Variants in PLCB1 observed in about 807,000 individuals in gnomAD.
PLCB1 encodes 1-phosphatidylinositol 4,5-bisphosphate phosphodiesterase beta-1.
In PLCB1, 46 loss-of-function variants were observed where a neutral mutation model predicts 161.8. That is an observed-to-expected ratio of 0.28 (90% CI 0.22 to 0.36). The LOEUF (loss-of-function observed/expected upper bound fraction) is 0.36. Among genes scored for constraint, PLCB1 ranks in the 10% least tolerant of loss-of-function variants. PLCB1 has a pLI of 1.00. For missense variants in PLCB1, 1,016 were observed against 1,472.5 expected (o/e 0.69, Z 5.07); for synonymous variants, 517 against 503.7 (o/e 1.03, Z -0.35).
At chr20:8,137,063 T>A (rs974038998) in intron 1 of PLCB1, among the ~76,000 whole-genome samples, 5 of 152,210 alleles carry the variant, frequency 3.3e-5, no homozygotes, top group Non-Finnish European at 4.4e-5. Context: ...AAGTTTGGAT[T>A]TGCGTTAATG....
rs147978581 is a variant in PLCB1, at chr20:8,322,790, C to G, written c.178-48592C>G. On this transcript the variant is annotated intron_variant, in intron 2 of 31. Coordinates refer to ENST00000338037, the MANE Select transcript of PLCB1 (RefSeq NM_015192.4). ...AGAAGGCATCAATTTGGAAAACTTT[C>G]TCAGAACTCTCCCTTGCTTGGTAGA... 4.6e-3 allele frequency among the ~76,000 whole-genome samples: 701 copies of G among 152,288 alleles called. 3 individuals are homozygous for G. The highest frequency in any genetic ancestry group is 0.016 in the African/African-American group (656 of 41,550).
chr20:8,797,490 T>C (rs2146233616), intron 31 of PLCB1, among the ~76,000 whole-genome samples: 1 of 152,346 alleles, frequency 6.6e-6, no homozygotes, highest in Non-Finnish European at 1.5e-5. Flanking sequence ...GTATTTTCCA[T>C]CCTTCGTCTT....
At chr20:8,529,354 C>T (rs925881280) in intron 3 of PLCB1, among the ~76,000 whole-genome samples, 2 of 151,958 alleles carry the variant, frequency 1.3e-5, no homozygotes, top group African/African-American at 4.8e-5. Flanking sequence ...ATGTATTTTA[C>T]TCCTCCTCCT....
chr20:8,875,948 C>T (rs1440987800), intron 31 of PLCB1, among the ~76,000 whole-genome samples: 1 of 152,018 alleles, frequency 6.6e-6, no homozygotes, highest in Non-Finnish European at 1.5e-5. Context: ...TATCAAATCT[C>T]TGCCTTTTTT....
chr20:8,622,911 A>C (rs2123202726), intron 3 of PLCB1, among the ~76,000 whole-genome samples: 1 of 150,176 alleles, frequency 6.7e-6, no homozygotes. Flanking sequence ...AGGCAATGCA[A>C]CTTTTTGAAA....
intron 2 of PLCB1, among the ~76,000 whole-genome samples, chr20:8,362,323 G>A (rs1418026107): frequency 1.3e-5 from 2 of 152,068 alleles, no homozygotes; most frequent in African/African-American, 4.8e-5. Context: ...GCAGTTACTA[G>A]CATGTTAAAT....
chr20:8,301,333 T>G (rs1983902459), intron 2 of PLCB1, among the ~76,000 whole-genome samples: 1 of 152,188 alleles, frequency 6.6e-6, no homozygotes, highest in South Asian at 2.1e-4. Flanking sequence ...AATAGTCAAA[T>G]CATTTGCTGT....
chr20:8,208,653 A>G (rs543589638), intron 2 of PLCB1, among the ~76,000 whole-genome samples: 2 of 152,226 alleles, frequency 1.3e-5, no homozygotes, highest in African/African-American at 4.8e-5. Flanking sequence ...CTCTTGGAAT[A>G]TAAAAATATG....
At chr20:8,497,473 G>A (rs1264291876) in intron 3 of PLCB1, among the ~76,000 whole-genome samples, 1 of 152,144 alleles carries the variant, frequency 6.6e-6, no homozygotes, top group Non-Finnish European at 1.5e-5. Flanking sequence ...GAAGAAAATT[G>A]CTATTCAAAT....
intron 3 of PLCB1, among the ~76,000 whole-genome samples, chr20:8,569,809 C>T (rs1467661823): frequency 2.0e-5 from 3 of 152,162 alleles, no homozygotes; most frequent in African/African-American, 7.2e-5. Flanking sequence ...GCATTAAAAA[C>T]TACTGGAAGG....
At chr20:8,641,556 A>G (rs1243439794) in intron 4 of PLCB1, among the ~76,000 whole-genome samples, 3 of 152,184 alleles carry the variant, frequency 2.0e-5, no homozygotes, top group African/African-American at 7.2e-5. Flanking sequence ...CATGTTTGCT[A>G]TACTCTCCCC....
At chr20:8,716,793 C>T (rs1979338745) in intron 13 of PLCB1, among the ~76,000 whole-genome samples, 1 of 152,216 alleles carries the variant, frequency 6.6e-6, no homozygotes, top group Non-Finnish European at 1.5e-5. Flanking sequence ...TGTGGCACAA[C>T]TCAGGTCGCC....
intron 2 of PLCB1, among the ~76,000 whole-genome samples, chr20:8,283,584 A>T (rs994253081): frequency 5.3e-5 from 8 of 151,670 alleles, no homozygotes; most frequent in Admixed American, 3.9e-4. Flanking sequence ...TAAATAAAAT[A>T]AAAAAATTAT....
intron 31 of PLCB1, among the ~76,000 whole-genome samples, chr20:8,849,824 C>A (rs528415481): frequency 5.9e-5 from 9 of 152,132 alleles, no homozygotes; most frequent in Non-Finnish European, 1.3e-4. Context: ...ACCATCCTGG[C>A]CAACATGGTG....
At chr20:8,773,492 T>A (rs2146202521) in intron 26 of PLCB1, among the ~76,000 whole-genome samples, 1 of 152,360 alleles carries the variant, frequency 6.6e-6, no homozygotes, top group South Asian at 2.1e-4. Context: ...ATTTGTATAA[T>A]TCTCTAAGAA....
intron 3 of PLCB1, among the ~76,000 whole-genome samples, chr20:8,459,347 T>C (rs1035844003): frequency 2.0e-5 from 3 of 152,202 alleles, no homozygotes; most frequent in Non-Finnish European, 4.4e-5. Context: ...AGTCCTTAAA[T>C]AATAAATTAT....
At chr20:8,593,081 T>C (rs1236048977) in intron 3 of PLCB1, among the ~76,000 whole-genome samples, 1 of 152,104 alleles carries the variant, frequency 6.6e-6, no homozygotes, top group African/African-American at 2.4e-5. Flanking sequence ...GCCCAGATAT[T>C]TTTGCCTGCT....
intron 15 of PLCB1, 93 bp downstream of exon 15, chr20:8,722,514 A>G (rs1308273117): frequency 3.7e-6 from 3 of 807,834 alleles, no homozygotes; most frequent in Admixed American, 6.1e-5. Context: ...TCTAGTGGCA[A>G]AAAGTAGATT....
At chr20:8,386,514 G>C (rs562957349) in intron 3 of PLCB1, among the ~76,000 whole-genome samples, 43 of 152,304 alleles carry the variant, frequency 2.8e-4, no homozygotes, top group Non-Finnish European at 5.3e-4. Flanking sequence ...GCTGTTATCA[G>C]ATTTTGTTGT....
Sources: gnomAD v4.1 joint callset for allele counts (sites outside exome capture counted in the v4.1 genomes callset) on GRCh38, gnomAD v4.1.1 for gene constraint, MANE v1.5 for transcripts, NCBI Gene and HGNC (gene_info 2026-07-23, HGNC 2026-07-21) for gene names.